FGGY: variants seen among roughly 807,000 people sequenced by gnomAD.
The protein encoded by FGGY is FGGY carbohydrate kinase domain containing.
FGGY carries 72 observed loss-of-function variants against 71.3 expected under a neutral mutation model. That is an observed-to-expected ratio of 1.01 (90% CI 0.84 to 1.23). The LOEUF (loss-of-function observed/expected upper bound fraction) is 1.23, where lower values mean the gene tolerates loss of function less well. Ranked by LOEUF, FGGY falls within the 50% of genes most tolerant of loss-of-function variation. The pLI is 0.00. For synonymous variants in FGGY, 251 were observed against 250.3 expected (o/e 1.00, Z -0.02); for missense variants, 668 against 682.3 (o/e 0.98, Z 0.23).
intron 6 of FGGY, among the ~76,000 whole-genome samples, chr1:59,511,934 C>T (rs949580951): frequency 5.3e-5 from 8 of 152,128 alleles, no homozygotes; most frequent in African/African-American, 1.9e-4. Context: ...TGTGGGTTTA[C>T]GTGCGTTTAA....
chr1:59,342,793 C>T (rs547718369), intron 3 of FGGY, among the ~76,000 whole-genome samples: 1 of 152,120 alleles, frequency 6.6e-6, no homozygotes, highest in African/African-American at 2.4e-5. Flanking sequence ...AAAACCAAAC[C>T]CATAAGACCA....
upstream of FGGY, chr1:59,296,624 C>A (rs904438273): frequency 6.6e-6 from 1 of 152,646 alleles, no homozygotes. Flanking sequence ...ACGCCCGGTT[C>A]AAAGGGCCAA....
intron 5 of FGGY, among the ~76,000 whole-genome samples, chr1:59,450,178 C>T (rs2072366996): frequency 6.6e-6 from 1 of 151,990 alleles, no homozygotes; most frequent in Non-Finnish European, 1.5e-5. Context: ...TGTTAGTATT[C>T]CATTTTATCT....
chr1:59,590,111 C>T (rs2096400239), intron 8 of FGGY, among the ~76,000 whole-genome samples: 1 of 152,094 alleles, frequency 6.6e-6, no homozygotes, highest in Non-Finnish European at 1.5e-5. Context: ...GGAATATCAC[C>T]ACTGACCCCA....
chr1:59,590,714 A>G (rs926644118), intron 8 of FGGY, among the ~76,000 whole-genome samples: 3 of 152,254 alleles, frequency 2.0e-5, no homozygotes, highest in African/African-American at 7.2e-5. Flanking sequence ...TAGATGCAGA[A>G]AAGGCCTTTG....
At chr1:59,336,726 G>A (rs34778870) in intron 2 of FGGY, among the ~76,000 whole-genome samples, 16,561 of 151,900 alleles carry the variant, frequency 0.11, 931 homozygotes, top group Middle Eastern at 0.12. Flanking sequence ...TCCCACTTAT[G>A]AGTGAGAACA....
At chr1:59,370,992 C>T (rs1443099960) in intron 4 of FGGY, among the ~76,000 whole-genome samples, 1 of 151,630 alleles carries the variant, frequency 6.6e-6, no homozygotes, top group African/African-American at 2.4e-5. Context: ...GAAGAAACTG[C>T]ATCAACTAAC....
rs149656705 is a variant in FGGY, at chr1:59,375,502, A to G, written c.466-3247A>G. 2.2e-4 allele frequency among the ~76,000 whole-genome samples: 34 copies of G among 152,254 alleles called. No homozygotes were observed. The South Asian group carries it at 2.9e-3, about 13-fold the overall frequency. ...AAGAGTACCTCAGACTTCCCACAAC[A>G]TGTTATTTCTAGTTGCTCATCCCAC... On this transcript the variant is annotated intron_variant, in intron 4 of 15. Transcript: ENST00000303721.
chr1:59,572,770 G>C (rs2096008610), intron 8 of FGGY, among the ~76,000 whole-genome samples: 1 of 152,114 alleles, frequency 6.6e-6, no homozygotes, highest in Non-Finnish European at 1.5e-5. Context: ...AGGCTTATTA[G>C]GTATCTCACC....
At position 59,537,921 on chromosome 1, in the gene FGGY, C is replaced by T. The variant is rs558364301; in HGVS notation, c.800-16203C>T. Among the ~76,000 whole-genome samples the T allele has an allele frequency of 5.9e-5, 9 of 152,280 alleles. No homozygotes were observed. In the South Asian group the frequency reaches 1.9e-3, roughly 32 times the overall value. On this transcript the variant is annotated intron_variant, in intron 7 of 15. Coordinates refer to ENST00000303721, the MANE Select transcript of FGGY (RefSeq NM_018291.5). ...AGAGGAAAACCTAGGCATTACCATT[C>T]AGAACATAGGCATGGGCAAGGACTT...
At chr1:59,466,422 T>G (rs1292291278) in intron 6 of FGGY, among the ~76,000 whole-genome samples, 2 of 152,152 alleles carry the variant, frequency 1.3e-5, no homozygotes, top group Non-Finnish European at 2.9e-5. Flanking sequence ...ACCTAGGCAA[T>G]ACCATTCAGG....
intron 7 of FGGY, among the ~76,000 whole-genome samples, chr1:59,529,282 A>G (rs754943891): frequency 1.3e-5 from 2 of 152,218 alleles, no homozygotes; most frequent in Non-Finnish European, 2.9e-5. Flanking sequence ...AAAAATACTA[A>G]TATTTATTGA....
chr1:59,319,379 A>G (rs977542588), intron 1 of FGGY, among the ~76,000 whole-genome samples: 2 of 152,234 alleles, frequency 1.3e-5, no homozygotes, highest in African/African-American at 2.4e-5. Flanking sequence ...GGAGCTTGGG[A>G]TACAGAAATC....
At chr1:59,474,699 C>A (rs2093171486) in intron 6 of FGGY, among the ~76,000 whole-genome samples, 1 of 152,168 alleles carries the variant, frequency 6.6e-6, no homozygotes, top group Non-Finnish European at 1.5e-5. Context: ...AAGTCAGAGA[C>A]CTTTGGATCT....
intron 9 of FGGY, among the ~76,000 whole-genome samples, chr1:59,611,006 GT>G (rs1162865386): frequency 6.6e-6 from 1 of 152,216 alleles, no homozygotes; most frequent in African/African-American, 2.4e-5. Flanking sequence ...GGTAAACAAA[GT>G]GGCCTGGAAG....
Position 59,650,159 on chromosome 1 carries a change from G to T in FGGY, c.1222-10060G>T, listed in dbSNP as rs368018158. Among the ~76,000 whole-genome samples, 99 of 147,810 alleles carry T rather than the reference G, an allele frequency of 6.7e-4. 11 individuals carry two copies. The highest frequency in any genetic ancestry group is 3.4e-3 in the Middle Eastern group (1 of 290). On this transcript the variant is annotated intron_variant, in intron 11 of 15. Transcript: ENST00000303721. ...CTGCTGGATTTGGTTTGCCAGTATT[G>T]TATTGAGGATTTTTGCATCGATGTT...
At chr1:59,529,188 AT>A (rs1270149868) in intron 7 of FGGY, among the ~76,000 whole-genome samples, 4 of 152,272 alleles carry the variant, frequency 2.6e-5, no homozygotes, top group Non-Finnish European at 5.9e-5. Context: ...ATACAAAGAA[AT>A]AGAGGCAGAT....
chr1:59,645,819 A>G (rs1009761786), intron 11 of FGGY, among the ~76,000 whole-genome samples: 1 of 152,226 alleles, frequency 6.6e-6, no homozygotes, highest in African/African-American at 2.4e-5. Flanking sequence ...TGGTTGAAAC[A>G]TGTTTTCTCT....
At chr1:59,587,550 T>C (rs1020852590) in intron 8 of FGGY, among the ~76,000 whole-genome samples, 3 of 152,016 alleles carry the variant, frequency 2.0e-5, no homozygotes, top group African/African-American at 4.8e-5. Context: ...CACCCCCCAG[T>C]AGGGGCAGAC....
Sources: allele counts gnomAD v4.1 joint callset (sites outside exome capture counted in the v4.1 genomes callset), GRCh38; gene constraint gnomAD v4.1.1; transcripts MANE v1.5; gene names NCBI Gene and HGNC (gene_info 2026-07-23, HGNC 2026-07-21).